Variants in ATXN1 observed in about 807,000 individuals in gnomAD.
The protein encoded by ATXN1 is ataxin-1.
A neutral mutation model predicts 56.4 loss-of-function variants in ATXN1; 8 were observed. That is an observed-to-expected ratio of 0.14 (90% CI 0.08 to 0.26). ATXN1 has a LOEUF of 0.26. Among genes scored for constraint, ATXN1 ranks in the 10% least tolerant of loss-of-function variants. The pLI, the probability that ATXN1 is intolerant of heterozygous loss-of-function variation, is 1.00. For synonymous variants in ATXN1, 514 were observed against 494.6 expected, an observed-to-expected ratio of 1.04 and a Z score of -0.52; for missense variants, 987 against 1,106.5, an observed-to-expected ratio of 0.89 and a Z score of 1.53.
At position 16,328,414 on chromosome 6, in the gene ATXN1, CT is replaced by C; in HGVS notation, c.-105del. On this transcript the variant is annotated 5_prime_UTR_variant, in exon 7 of 8. It introduces an in-frame stop codon into an upstream open reading frame of the 5' UTR. Coordinates refer to ENST00000436367, the MANE Select transcript of ATXN1 (RefSeq NM_001128164.2). The surrounding 1 kb of genome is among the most constrained non-coding windows in gnomAD (Gnocchi z 6.2). ...ATTTGATTTCTGTAGGGGATCCAGG[CT>C]CTTCATGAGGAATCATCTCCCCGTG... is the stretch of plus-strand genomic sequence containing the variant. 3 of 1,371,722 alleles carry C rather than the reference CT, an allele frequency of 2.2e-6. No individual in the cohort carries two copies. The highest frequency in any genetic ancestry group is 2.8e-6 in the Non-Finnish European group (3 of 1,065,220). The allele number at this position is 1,371,722 out of a possible 1,614,324, so 85.0% of individuals were successfully genotyped here.
chr6:16,665,668 T>G (rs78243253), intron 2 of ATXN1, among the ~76,000 whole-genome samples: 6,595 of 152,220 alleles, frequency 0.043, 188 homozygotes, highest in South Asian at 0.082. Context: ...ATTTCCATAA[T>G]TCCCACCATT....
At chr6:16,593,425 T>C (rs887329056) in intron 3 of ATXN1, among the ~76,000 whole-genome samples, 1 of 152,224 alleles carries the variant, frequency 6.6e-6, no homozygotes, top group Non-Finnish European at 1.5e-5. Context: ...TATCATGCAA[T>C]GTTTGTAACC....
chr6:16,635,161 TGTGAGGGATGTAG>T (rs1019157573), intron 3 of ATXN1, among the ~76,000 whole-genome samples: 2 of 152,176 alleles, frequency 1.3e-5, no homozygotes, highest in Non-Finnish European at 2.9e-5. Flanking sequence ...GAACTGCACA[TGTGAGGGATGTAG>T]GTTGCACCCT....
intron 6 of ATXN1, among the ~76,000 whole-genome samples, chr6:16,333,800 C>T (rs1274187101): frequency 6.6e-6 from 1 of 152,214 alleles, no homozygotes; most frequent in Non-Finnish European, 1.5e-5. Flanking sequence ...TCACCAATCT[C>T]CTTCCAGCTT....
chr6:16,534,533 G>T (rs373527505), intron 4 of ATXN1, among the ~76,000 whole-genome samples: 2 of 151,608 alleles, frequency 1.3e-5, no homozygotes, highest in South Asian at 2.1e-4. Flanking sequence ...CTTCTGTAGT[G>T]TAAACACTCC....
intron 2 of ATXN1, among the ~76,000 whole-genome samples, chr6:16,658,191 G>A (rs12208490): frequency 8.5e-5 from 13 of 152,236 alleles, no homozygotes; most frequent in Admixed American, 2.6e-4. Context: ...GAATGCACTT[G>A]CAAAATTTCA....
chr6:16,392,582 G>T (rs1034605690), intron 6 of ATXN1, among the ~76,000 whole-genome samples: 1 of 151,684 alleles, frequency 6.6e-6, no homozygotes, highest in African/African-American at 2.4e-5. Flanking sequence ...TGCAACCTCC[G>T]CCTTCTAGGT....
chr6:16,729,528 A>G (rs1209482524), intron 2 of ATXN1, among the ~76,000 whole-genome samples: 1 of 152,212 alleles, frequency 6.6e-6, no homozygotes, highest in Non-Finnish European at 1.5e-5. Context: ...TAGGCATTGC[A>G]ACTTGTCATA....
At chr6:16,550,379 T>C (rs943739468) in intron 4 of ATXN1, among the ~76,000 whole-genome samples, 9 of 152,254 alleles carry the variant, frequency 5.9e-5, no homozygotes, top group African/African-American at 2.2e-4. Context: ...AGCCCACACT[T>C]GTTCCTTCTT....
chr6:16,502,904 T>C (rs115206751), intron 5 of ATXN1, among the ~76,000 whole-genome samples: 1,773 of 152,306 alleles, frequency 0.012, 52 homozygotes, highest in Admixed American at 0.06. Context: ...AACATTTCAT[T>C]GAATGCTTAG....
At chr6:16,593,384 T>G (rs900599348) in intron 3 of ATXN1, among the ~76,000 whole-genome samples, 9 of 152,228 alleles carry the variant, frequency 5.9e-5, no homozygotes, top group Non-Finnish European at 1.3e-4. Context: ...CAAGCCATAA[T>G]TCTGACATGC....
chr6:16,327,869 T>A lies in ATXN1; in HGVS notation c.442A>T (p.Ile148Phe), dbSNP rs767042666. ...GTGACGGGGTTGGCGGTTGGGGGGA[T>A]CAGCTGTGATGGGATGAAGCTGGCA... ...TYASFIPSQL[I>F]PPTANPVTSA... is the part of the protein sequence containing the mutation. The change falls in exon 7 of 8, where the codon ATC (isoleucine) becomes TTC (phenylalanine). Residue 148 changes from isoleucine (I) to phenylalanine (F), a missense_variant. Around this residue, in one of 3 missense-constraint regions of ATXN1, gnomAD observed 723 missense variants for 791.7 expected, o/e 0.91. Transcript: ENST00000436367. 1.9e-6 allele frequency: 3 copies of A among 1,607,042 alleles called. No homozygotes were observed. The East Asian group carries it at 6.7e-5, about 36-fold the overall frequency.
chr6:16,373,112 G>C (rs1762079374), intron 6 of ATXN1, among the ~76,000 whole-genome samples: 1 of 152,152 alleles, frequency 6.6e-6, no homozygotes, highest in Admixed American at 6.5e-5. Flanking sequence ...CCATGGAGGA[G>C]GTTTCTGGGG....
intron 6 of ATXN1, among the ~76,000 whole-genome samples, chr6:16,367,187 T>C (rs1761938317): frequency 6.6e-6 from 1 of 152,162 alleles, no homozygotes; most frequent in South Asian, 2.1e-4. Flanking sequence ...CATTTGCCAG[T>C]TGCTATTAAT....
intron 5 of ATXN1, among the ~76,000 whole-genome samples, chr6:16,495,723 T>C (rs1425354576): frequency 6.6e-6 from 1 of 151,680 alleles, no homozygotes; most frequent in African/African-American, 2.4e-5. Flanking sequence ...ATGAGCCAGG[T>C]ATGGTGGCAG....
At chr6:16,759,995 TACACACAC>T (rs1023766754) in intron 1 of ATXN1, among the ~76,000 whole-genome samples, 2 of 149,856 alleles carry the variant, frequency 1.3e-5, no homozygotes, top group Non-Finnish European at 3.0e-5. Context: ...CGCGCACAAA[TACACACAC>T]ACAGTCACTC....
At chr6:16,519,181 G>A (rs371503012) in intron 5 of ATXN1, among the ~76,000 whole-genome samples, 92 of 152,170 alleles carry the variant, frequency 6.0e-4, no homozygotes, top group African/African-American at 2.0e-3. Flanking sequence ...TACATGTTTC[G>A]TATCCTTGAA....
chr6:16,431,313 G>A (rs183384218), intron 6 of ATXN1, among the ~76,000 whole-genome samples: 57 of 152,184 alleles, frequency 3.7e-4, no homozygotes, highest in Non-Finnish European at 6.6e-4. Flanking sequence ...CTGCTGGGGG[G>A]GATGTCTGCC....
At chr6:16,551,509 G>C (rs1041549183) in intron 4 of ATXN1, among the ~76,000 whole-genome samples, 4 of 152,186 alleles carry the variant, frequency 2.6e-5, no homozygotes, top group African/African-American at 9.7e-5. Context: ...TGTGTGGGGA[G>C]ACAGAAGTGG....
Sources: gnomAD v4.1 joint callset for allele counts (sites outside exome capture counted in the v4.1 genomes callset) on GRCh38, gnomAD v4.1.1 for gene constraint, gnomAD v4.1.1 regional missense constraint, Gnocchi (gnomAD v3.1) non-coding constraint, MANE v1.5 for transcripts, NCBI Gene and HGNC (gene_info 2026-07-23, HGNC 2026-07-21) for gene names.